The following ZNF385B variants were observed in gnomAD, a reference collection of about 807,000 sequenced individuals.
ZNF385B encodes zinc finger protein 385B.
Under a neutral mutation model 39.2 loss-of-function variants are expected in ZNF385B, and 23 were observed. The observed-to-expected ratio is 0.59, with a 90% CI of 0.42 to 0.83. The LOEUF (loss-of-function observed/expected upper bound fraction) is 0.83, where lower values mean the gene tolerates loss of function less well. Among genes scored for constraint, ZNF385B ranks in the 40% least tolerant of loss-of-function variants. ZNF385B has a pLI of 0.00. For synonymous variants in ZNF385B, 205 were observed against 222.6 expected (o/e 0.92, Z 0.70); for missense variants, 552 against 598.9 (o/e 0.92, Z 0.82).
chr2:179,805,337 T>C lies in ZNF385B; in HGVS notation c.-154-34665A>G, dbSNP rs550693312. Among the ~76,000 whole-genome samples the C allele has an allele frequency of 2.0e-5, 3 of 152,268 alleles. No homozygotes were observed. In the South Asian group the frequency reaches 6.2e-4, roughly 32 times the overall value. On this transcript the variant is annotated intron_variant, in intron 1 of 9. Coordinates refer to ENST00000410066, the MANE Select transcript of ZNF385B (RefSeq NM_152520.6). Reference sequence around the variant, plus strand: ...GAATGCAACTCTAGGCATCATCACATGCTCAATAGATTTTAGCCCATAGAT... The same window carrying C: ...GAATGCAACTCTAGGCATCATCACACGCTCAATAGATTTTAGCCCATAGAT...
chr2:179,838,928 A>G (rs77381995), intron 1 of ZNF385B, among the ~76,000 whole-genome samples: 38 of 131,140 alleles, frequency 2.9e-4, no homozygotes, highest in East Asian at 7.6e-4. Context: ...CCAAAAAAAA[A>G]GGGGGGGGGG....
intron 6 of ZNF385B, among the ~76,000 whole-genome samples, chr2:179,460,761 C>T (rs2051241858): frequency 6.6e-6 from 1 of 152,162 alleles, no homozygotes; most frequent in East Asian, 1.9e-4. Context: ...GGACAGTTTT[C>T]CATACCTCTA....
At position 179,518,503 on chromosome 2, in the gene ZNF385B, A is replaced by G. The variant is rs2058250744; in HGVS notation, c.552+25T>C. On this transcript the variant is annotated intron_variant, in intron 5 of 9. Transcript: ENST00000410066. ...GACTTTTAGCTCTGACAAACTACAG[A>G]GAATAATGAAAAGGTGATACTCACA... The G allele has an allele frequency of 4.0e-6, 6 of 1,490,308 alleles. No individual in the cohort carries two copies. The East Asian group carries it at 1.4e-4, about 34-fold the overall frequency. The allele number at this position is 1,490,308 out of a possible 1,614,324, so 92.3% of individuals were successfully genotyped here. A position where few individuals can be genotyped will look rare whatever the true frequency, so the allele number is the denominator to read the frequency against.
intron 5 of ZNF385B, among the ~76,000 whole-genome samples, chr2:179,501,337 G>A (rs2056741646): frequency 6.6e-6 from 1 of 152,166 alleles, no homozygotes; most frequent in South Asian, 2.1e-4. Flanking sequence ...TGGGAGCAAT[G>A]TAAGAGTCCA....
intron 3 of ZNF385B, among the ~76,000 whole-genome samples, chr2:179,713,454 A>G (rs1369508991): frequency 1.3e-5 from 2 of 151,990 alleles, no homozygotes; most frequent in Non-Finnish European, 2.9e-5. Flanking sequence ...TTAATCTTCA[A>G]TCTCAGCTAA....
intron 1 of ZNF385B, among the ~76,000 whole-genome samples, chr2:179,805,196 G>A (rs1706275715): frequency 6.6e-6 from 1 of 152,128 alleles, no homozygotes; most frequent in Non-Finnish European, 1.5e-5. Flanking sequence ...GTTACATGGG[G>A]GGAACCAAGG....
chr2:179,774,684 C>A (rs1704209836), intron 1 of ZNF385B, among the ~76,000 whole-genome samples: 1 of 152,214 alleles, frequency 6.6e-6, no homozygotes, highest in African/African-American at 2.4e-5. Flanking sequence ...ATTATTTTAG[C>A]TTGTATGTGG....
chr2:179,603,586 G>A (rs1285721091), intron 3 of ZNF385B, among the ~76,000 whole-genome samples: 2 of 149,238 alleles, frequency 1.3e-5, no homozygotes, highest in Non-Finnish European at 3.0e-5. Flanking sequence ...GTGTAGATTC[G>A]TATGGTTCTT....
intron 3 of ZNF385B, among the ~76,000 whole-genome samples, chr2:179,636,189 T>C (rs955660759): frequency 9.9e-5 from 15 of 152,194 alleles, no homozygotes; most frequent in Admixed American, 6.5e-5. Context: ...GTTCTGTACA[T>C]TGCAATAACC....
At chr2:179,756,434 G>C (rs1016125301) in intron 3 of ZNF385B, among the ~76,000 whole-genome samples, 1 of 152,176 alleles carries the variant, frequency 6.6e-6, no homozygotes, top group South Asian at 2.1e-4. Flanking sequence ...TTTCAACTTT[G>C]GTGAATGTGA....
intron 5 of ZNF385B, among the ~76,000 whole-genome samples, chr2:179,512,540 C>T (rs1290154252): frequency 2.0e-5 from 3 of 152,160 alleles, no homozygotes; most frequent in Non-Finnish European, 4.4e-5. Context: ...CAAAGCTTAA[C>T]TTTGGAAATG....
chr2:179,527,401 G>A (rs2105843718), intron 4 of ZNF385B, among the ~76,000 whole-genome samples: 1 of 151,928 alleles, frequency 6.6e-6, no homozygotes, highest in South Asian at 2.1e-4. Context: ...AAAGCTCTGG[G>A]ATTCACCAAA....
chr2:179,514,607 C>T (rs1265188339), intron 5 of ZNF385B, among the ~76,000 whole-genome samples: 1 of 151,976 alleles, frequency 6.6e-6, no homozygotes, highest in Admixed American at 6.6e-5. Context: ...TAGTATGCTA[C>T]CATTTACATA....
chr2:179,852,523 T>C (rs1369829123), intron 1 of ZNF385B, among the ~76,000 whole-genome samples: 5 of 152,126 alleles, frequency 3.3e-5, no homozygotes, highest in African/African-American at 9.7e-5. Context: ...CTGGAATCCA[T>C]ATACCATGAG....
chr2:179,607,596 C>G (rs1688919495), intron 3 of ZNF385B, among the ~76,000 whole-genome samples: 1 of 152,026 alleles, frequency 6.6e-6, no homozygotes, highest in Non-Finnish European at 1.5e-5. Context: ...AACTAGAAAC[C>G]TGGAGATAGA....
At position 179,502,450 on chromosome 2, in the gene ZNF385B, C is replaced by T. The variant is rs190683745; in HGVS notation, c.552+16078G>A. Among the ~76,000 whole-genome samples the T allele has an allele frequency of 1.5e-4, 23 of 152,194 alleles. No homozygotes were observed. The East Asian group carries it at 3.7e-3, about 24-fold the overall frequency. ...ATGGGAGGTGATTGAATCTTGGGGG[C>T]GGACTTCTCCTTTGCTGTTCTTATG... On this transcript the variant is annotated intron_variant, in intron 5 of 9. Coordinates refer to ENST00000410066, the MANE Select transcript of ZNF385B (RefSeq NM_152520.6).
rs1318672145 is a variant in ZNF385B, at chr2:179,444,929, T to A, written c.1189A>T (p.Lys397Ter). Residue 397 changes from lysine (K) to a stop codon, truncating the protein, a stop_gained, in exon 9 of 10, where the codon AAG becomes TAG. Coordinates refer to ENST00000410066, the MANE Select transcript of ZNF385B (RefSeq NM_152520.6). LOFTEE classifies it high-confidence loss of function. ...HKDRVAGKPL[K>*]PKYSPYNKLQ... ...TTGTTGTAAGGGCTGTATTTTGGCT[T>A]CAGTGGTTTCCCTGCAACTCGATCT... 6.2e-7 allele frequency: 1 copy of A among 1,614,172 alleles called. No individual in the cohort carries two copies. Among genetic ancestry groups the A allele is most frequent in the South Asian group, 1.1e-5 (1 of 91,080 alleles).
At chr2:179,756,678 CT>C (rs143356813) in intron 3 of ZNF385B, among the ~76,000 whole-genome samples, 18,557 of 152,118 alleles carry the variant, frequency 0.12, 1,671 homozygotes, top group East Asian at 0.48. Context: ...TTGTTTGTTT[CT>C]TTTTACTCTT....
chr2:179,620,590 T>TC (rs1234200109), intron 3 of ZNF385B, among the ~76,000 whole-genome samples: 1 of 152,112 alleles, frequency 6.6e-6, no homozygotes, highest in Non-Finnish European at 1.5e-5. Flanking sequence ...GACTTTAAAA[T>TC]CTTATTTTTG....
Sources: allele counts gnomAD v4.1 joint callset (sites outside exome capture counted in the v4.1 genomes callset), GRCh38; gene constraint gnomAD v4.1.1; transcripts MANE v1.5; gene names NCBI Gene and HGNC (gene_info 2026-07-23, HGNC 2026-07-21).